The following TIGAR variants were observed in gnomAD, a reference collection of about 807,000 sequenced individuals.
TIGAR encodes the protein TP53 induced glycolysis regulatory phosphatase.
TIGAR carries 7 observed loss-of-function variants against 17.9 expected under a neutral mutation model. The ratio of observed to expected loss-of-function variants is 0.39; its 90% confidence interval spans 0.22 to 0.73. The LOEUF (loss-of-function observed/expected upper bound fraction) is 0.73. TIGAR is among the 30% of genes least tolerant of loss of function. TIGAR has a pLI of 0.42. For synonymous variants in TIGAR, 94 were observed against 108.6 expected (o/e 0.87, Z 0.84); for missense variants, 258 against 327.4 (o/e 0.79, Z 1.64).
chr12:4,352,814 G>C lies in TIGAR; in HGVS notation c.*123G>C. On this transcript the variant is annotated 3_prime_UTR_variant, in exon 6 of 6. Coordinates refer to ENST00000179259, the MANE Select transcript of TIGAR (RefSeq NM_020375.3). ...AGTTAAAAGCCAATTTTTAGCTCCA[G>C]TGGAACCATAGCCACATAAAACTTT... is the stretch of plus-strand genomic sequence containing the variant. 1 of 845,716 alleles carries C rather than the reference G, an allele frequency of 1.2e-6. No individual in the cohort carries two copies. The allele number at this position is 845,716 out of a possible 1,614,324, so 52.4% of individuals were successfully genotyped here.
chr12:4,323,505 C>G (rs1864504009), intron 1 of TIGAR, among the ~76,000 whole-genome samples: 1 of 152,134 alleles, frequency 6.6e-6, no homozygotes, highest in Non-Finnish European at 1.5e-5. Context: ...TAATTAAAAT[C>G]TGACAGTTTA....
In TIGAR at chr12:4,357,946, T is replaced by C. The variant is rs1305027712; in HGVS notation, c.*5255T>C. Among the ~76,000 whole-genome samples the C allele has an allele frequency of 1.4e-5, 2 of 146,750 alleles. No homozygotes were observed. Among genetic ancestry groups the C allele is most frequent in the Non-Finnish European group, 3.0e-5 (2 of 66,736 alleles). ...GTGAAACCTCGTCTCCACTGAAAAA[T>C]AGAAAAAATTAGCCAGGCCTGGTGG... is the stretch of plus-strand genomic sequence containing the variant. On this transcript the variant is annotated 3_prime_UTR_variant, in exon 6 of 6. Transcript: ENST00000179259.
intron 1 of TIGAR, among the ~76,000 whole-genome samples, chr12:4,325,003 CA>C (rs1565445102): frequency 6.7e-6 from 1 of 148,234 alleles, no homozygotes; most frequent in African/African-American, 2.5e-5. Flanking sequence ...AGTGCAATGG[CA>C]TGATCTCCGC....
chr12:4,328,749 G>A (rs544786327), intron 1 of TIGAR, among the ~76,000 whole-genome samples: 11 of 151,472 alleles, frequency 7.3e-5, no homozygotes, highest in Non-Finnish European at 1.3e-4. Context: ...GCTGATTTTT[G>A]TATTTTTATC....
rs574148861 is a variant in TIGAR, at chr12:4,342,633, A to G, written c.192+5473A>G. Among the ~76,000 whole-genome samples the G allele has an allele frequency of 3.9e-5, 6 of 152,288 alleles. No homozygotes were observed. In the South Asian group the frequency reaches 1.2e-3, roughly 32 times the overall value. On this transcript the variant is annotated intron_variant, in intron 3 of 5. Coordinates refer to ENST00000179259, the MANE Select transcript of TIGAR (RefSeq NM_020375.3). The stretch of plus-strand genomic sequence containing the variant: ...AACCCAGAATTTCATATCCAGCCAA[A>G]CTAAGCTTCATAAGTGAAGGAGAAA...
rs556511120 is a variant in TIGAR at position 4,355,631 on chromosome 12, G to T, written c.*2940G>T. The stretch of plus-strand genomic sequence containing the variant: ...GCACACACATGCCAGGCTATTTTAA[G>T]AACTACTACAACTATGATAAAGCTG... On this transcript the variant is annotated 3_prime_UTR_variant, in exon 6 of 6. Coordinates refer to ENST00000179259, the MANE Select transcript of TIGAR (RefSeq NM_020375.3). 6.6e-6 allele frequency among the ~76,000 whole-genome samples: 1 copy of T among 152,318 alleles called. No homozygotes were observed. Among genetic ancestry groups the T allele is most frequent in the East Asian group, 1.9e-4 (1 of 5,194 alleles).
chr12:4,325,889 A>G (rs1314217841), intron 1 of TIGAR, among the ~76,000 whole-genome samples: 1 of 152,226 alleles, frequency 6.6e-6, no homozygotes, highest in Non-Finnish European at 1.5e-5. Context: ...ATTTTCATTT[A>G]CACTAAAGAA....
At chr12:4,328,379 A>C (rs1290284789) in intron 1 of TIGAR, among the ~76,000 whole-genome samples, 1 of 151,840 alleles carries the variant, frequency 6.6e-6, no homozygotes, top group Admixed American at 6.6e-5. Flanking sequence ...TTTAGTAGAC[A>C]CAGGATTCTA....
chr12:4,339,388 C>A (rs10735032), intron 3 of TIGAR, among the ~76,000 whole-genome samples: 150,329 of 152,318 alleles, frequency 0.99, 74,223 homozygotes, highest in East Asian at 1. Flanking sequence ...ATAACAAGTA[C>A]CAAGATTGAA....
At position 4,352,432 on chromosome 12, in the gene TIGAR, G is replaced by A. The variant is rs767984762; in HGVS notation, c.554G>A (p.Gly185Asp). The part of the protein sequence containing the change: ...NHSSKVNSDS[G>D]IPGLAASVLV... ...AGCTCTAAAGTTAATTCAGACAGCGGTATTCCAGGATTAGCAGCCAGTGTC... is the reference window on the plus strand; with the variant it reads ...AGCTCTAAAGTTAATTCAGACAGCGATATTCCAGGATTAGCAGCCAGTGTC... Residue 185 changes from glycine (G) to aspartate (D), a missense_variant, in exon 6 of 6, where the codon GGT becomes GAT. Transcript: ENST00000179259. 2 of 1,614,132 alleles carry A rather than the reference G, an allele frequency of 1.2e-6. No homozygotes were observed. Among genetic ancestry groups the A allele is most frequent in the Admixed American group, 1.7e-5 (1 of 60,018 alleles).
chr12:4,359,615 C>G lies in TIGAR; in HGVS notation c.*6924C>G, dbSNP rs980854512. On this transcript the variant is annotated 3_prime_UTR_variant, in exon 6 of 6. Transcript: ENST00000179259. ...TGTTTATTCTTCCATTGACGGAACA[C>G]AAGGACCATTTCTAGTTTGGAGCTA... Among the ~76,000 whole-genome samples the G allele has an allele frequency of 1.3e-5, 2 of 152,116 alleles. No homozygotes were observed. The highest frequency in any genetic ancestry group is 4.8e-5 in the African/African-American group (2 of 41,420).
chr12:4,352,360 G>T lies in TIGAR; in HGVS notation c.482G>T (p.Cys161Phe), dbSNP rs1176106521. The T allele has an allele frequency of 6.2e-7, 1 of 1,614,040 alleles. No individual in the cohort carries two copies. The highest frequency in any genetic ancestry group is 1.3e-5 in the African/African-American group (1 of 74,934). The change falls in exon 6 of 6, where the codon TGT (cysteine) becomes TTT (phenylalanine). Residue 161 changes from cysteine to phenylalanine, a missense_variant. Coordinates refer to ENST00000179259, the MANE Select transcript of TIGAR (RefSeq NM_020375.3). ...EQFSQGSPSN[C>F]LETSLAEIFP... ...TTTTCCCAAGGATCTCCAAGCAACTGTCTGGAAACTTCTTTGGCAGAGATA... is the reference window on the plus strand; with the variant it reads ...TTTTCCCAAGGATCTCCAAGCAACTTTCTGGAAACTTCTTTGGCAGAGATA...
At chr12:4,323,645 G>A (rs896849728) in intron 1 of TIGAR, among the ~76,000 whole-genome samples, 1 of 152,154 alleles carries the variant, frequency 6.6e-6, no homozygotes, top group Non-Finnish European at 1.5e-5. Context: ...ACCACTCACC[G>A]TCTTTTGTTT....
Position 4,359,288 on chromosome 12 carries a change from T to C in TIGAR, c.*6597T>C, listed in dbSNP as rs1048246593. On this transcript the variant is annotated 3_prime_UTR_variant, in exon 6 of 6. Coordinates refer to ENST00000179259, the MANE Select transcript of TIGAR (RefSeq NM_020375.3). ...CTCTTATTATTTTATGGTTACACAGTCCCAACTTTGTCCTGTGGGAACCCT... is the reference window on the plus strand; with the variant it reads ...CTCTTATTATTTTATGGTTACACAGCCCCAACTTTGTCCTGTGGGAACCCT... 3.9e-5 allele frequency among the ~76,000 whole-genome samples: 6 copies of C among 152,200 alleles called. No individual in the cohort carries two copies. The highest frequency in any genetic ancestry group is 1.4e-4 in the African/African-American group (6 of 41,460).
intron 3 of TIGAR, among the ~76,000 whole-genome samples, chr12:4,345,959 A>G (rs1446899711): frequency 1.3e-5 from 2 of 152,264 alleles, no homozygotes; most frequent in Admixed American, 6.5e-5. Context: ...ATGAACAGAC[A>G]CTTCTCAAAA....
chr12:4,339,994 C>T (rs1203743085), intron 3 of TIGAR, among the ~76,000 whole-genome samples: 1 of 152,184 alleles, frequency 6.6e-6, no homozygotes, highest in East Asian at 1.9e-4. Flanking sequence ...AGCCTTTCCT[C>T]TAAGATCTAG....
intron 3 of TIGAR, among the ~76,000 whole-genome samples, chr12:4,345,602 A>G (rs1398664952): frequency 6.6e-6 from 1 of 152,224 alleles, no homozygotes; most frequent in East Asian, 1.9e-4. Flanking sequence ...TTATACAAAA[A>G]TTAATTCAAG....
At chr12:4,333,351 G>A (rs4766234) in intron 2 of TIGAR, among the ~76,000 whole-genome samples, 5,450 of 151,220 alleles carry the variant, frequency 0.036, 470 homozygotes, top group East Asian at 0.33. Context: ...GTGCAATGGC[G>A]CGATCTCAGC....
chr12:4,331,261 C>A lies in TIGAR; in HGVS notation c.33-19C>A. The A allele has an allele frequency of 6.2e-7, 1 of 1,603,180 alleles. No homozygotes were observed. Among genetic ancestry groups the A allele is most frequent in the Non-Finnish European group, 8.5e-7 (1 of 1,170,200 alleles). On this transcript the variant is annotated intron_variant, in intron 1 of 5. Coordinates refer to ENST00000179259, the MANE Select transcript of TIGAR (RefSeq NM_020375.3). ...AGTATAATTTGGCTAATAAGGTTGT[C>A]CTTCTCTTTCTATTTTAGTGGAGAA...
Sources: gnomAD v4.1 joint callset for allele counts (sites outside exome capture counted in the v4.1 genomes callset) on GRCh38, gnomAD v4.1.1 for gene constraint, MANE v1.5 for transcripts, NCBI Gene and HGNC (gene_info 2026-07-23, HGNC 2026-07-21) for gene names.